Variants in CABLES2 observed in about 807,000 individuals in gnomAD.
CABLES2 encodes the protein CDK5 and ABL1 enzyme substrate 2.
CABLES2 carries 35 observed loss-of-function variants against 44.8 expected under a neutral mutation model. The ratio of observed to expected loss-of-function variants is 0.78; its 90% CI spans 0.60 to 1.04. The LOEUF (loss-of-function observed/expected upper bound fraction) is 1.04. Ranked by LOEUF, CABLES2 falls within the 50% of genes least tolerant of loss-of-function variation. The pLI, the probability that CABLES2 is intolerant of heterozygous loss-of-function variation, is 0.00. For missense variants in CABLES2, 566 were observed against 615.7 expected, an observed-to-expected ratio of 0.92 and a Z score of 0.85; for synonymous variants, 282 against 281.1, an observed-to-expected ratio of 1.00 and a Z score of -0.03.
rs1459855587 is a variant in CABLES2, at chr20:62,398,178, GTGGTGGTGA to G, written c.363-1595_363-1587del. ...GGTGACGGTGATGGTGGTAATGGTG[GTGGTGGTGA>G]TGGTGATGATGGTGGTGATGGTGAT... On this transcript the variant is annotated intron_variant, in intron 1 of 9. Coordinates refer to ENST00000279101, the MANE Select transcript of CABLES2 (RefSeq NM_031215.3). Among the ~76,000 whole-genome samples, 14 of 96,328 alleles carry G rather than the reference GTGGTGGTGA, an allele frequency of 1.5e-4. No individual in the cohort carries two copies. In the South Asian group the frequency reaches 4.1e-3, roughly 28 times the overall value. The allele number at this position is 96,328 out of a possible 152,430, so 63.2% of individuals were successfully genotyped here. A position where few individuals can be genotyped will look rare whatever the true frequency, so the allele number is the denominator to read the frequency against.
rs546600175 is a variant in CABLES2 at position 62,393,097 on chromosome 20, A to G, written c.881-74T>C. The G allele has an allele frequency of 1.7e-5, 23 of 1,377,514 alleles. 1 individual carries two copies. The South Asian group carries it at 2.4e-4, about 14-fold the overall frequency. The allele number at this position is 1,377,514 out of a possible 1,614,324, so 85.3% of individuals were successfully genotyped here. A position where few individuals can be genotyped will look rare whatever the true frequency, so the allele number is the denominator to read the frequency against. Reference sequence around the variant, plus strand: ...ATCTAGCCCCAAGGCCTGGCAGGCCAGCGCCATGGCGGGGCAAGGCCGAGC... The same window carrying G: ...ATCTAGCCCCAAGGCCTGGCAGGCCGGCGCCATGGCGGGGCAAGGCCGAGC... On this transcript the variant is annotated intron_variant, in intron 6 of 9. Coordinates refer to ENST00000279101, the MANE Select transcript of CABLES2 (RefSeq NM_031215.3).
intron 1 of CABLES2, among the ~76,000 whole-genome samples, chr20:62,397,231 G>A (rs1041718050): frequency 3.3e-5 from 5 of 152,152 alleles, no homozygotes; most frequent in African/African-American, 1.2e-4. Context: ...GCTGAGGGAG[G>A]CTGCCCGGAT....
At chr20:62,398,187 A>ACGGTGATGGTGGTGGTGATGATGG (rs759461396) in intron 1 of CABLES2, among the ~76,000 whole-genome samples, 2 of 92,660 alleles carry the variant, frequency 2.2e-5, no homozygotes, top group African/African-American at 1.0e-4. Flanking sequence ...GGTGGTGGTG[A>ACGGTGATGGTGGTGGTGATGATGG]TGGTGATGAT....
intron 1 of CABLES2, among the ~76,000 whole-genome samples, chr20:62,406,296 C>T (rs187993245): frequency 4.9e-4 from 74 of 152,072 alleles, no homozygotes; most frequent in Non-Finnish European, 7.1e-4. Flanking sequence ...TGGGCATGGA[C>T]GGTGTGGCCC....
At position 62,390,996 on chromosome 20, in the gene CABLES2, T is replaced by C. The variant is rs1488155304; in HGVS notation, c.1412A>G (p.Tyr471Cys). ...YLPENQVLPH[Y>C]RRLTQQF Reference sequence around the variant, plus strand: ...CTAGAACTGCTGGGTGAGGCGCCTGTAATGAGGTAACACTTGGTTCTCGGG... The same window carrying C: ...CTAGAACTGCTGGGTGAGGCGCCTGCAATGAGGTAACACTTGGTTCTCGGG... Residue 471 changes from tyrosine to cysteine, a missense_variant, in exon 10 of 10, where the codon TAC becomes TGC. Physicochemically the swap from Tyr to Cys is radical, Grantham distance 194. Coordinates refer to ENST00000279101, the MANE Select transcript of CABLES2 (RefSeq NM_031215.3). The C allele has an allele frequency of 1.2e-6, 2 of 1,614,070 alleles. No individual in the cohort carries two copies. Among genetic ancestry groups the C allele is most frequent in the South Asian group, 2.2e-5 (2 of 91,080 alleles).
chr20:62,395,028 G>C lies in CABLES2; in HGVS notation c.528-14C>G. ...ATGAGCACGATCCTGCAGGGGGACG[G>C]AGTCAGGGGAGACGGGGCCGGGGAG... On this transcript the variant is annotated splice_polypyrimidine_tract_variant and intron_variant, in intron 3 of 9. Transcript: ENST00000279101. 2 of 1,610,276 alleles carry C rather than the reference G, an allele frequency of 1.2e-6. No homozygotes were observed. Among genetic ancestry groups the C allele is most frequent in the Non-Finnish European group, 1.7e-6 (2 of 1,177,698 alleles).
chr20:62,398,219 G>GA (rs1569017914), intron 1 of CABLES2, among the ~76,000 whole-genome samples: 6 of 140,784 alleles, frequency 4.3e-5, no homozygotes, highest in Non-Finnish European at 6.1e-5. Context: ...TGATGTGATG[G>GA]TGGTGGTGGT....
At chr20:62,398,123 GGTT>G (rs1281162215) in intron 1 of CABLES2, among the ~76,000 whole-genome samples, 16 of 138,026 alleles carry the variant, frequency 1.2e-4, no homozygotes, top group African/African-American at 3.1e-4. Flanking sequence ...TGGTGGTGGT[GGTT>G]ATGACGGTGG....
intron 1 of CABLES2, among the ~76,000 whole-genome samples, chr20:62,398,376 T>G (rs62196294): frequency 0.44 from 65,091 of 149,252 alleles, 15,734 homozygotes; most frequent in African/African-American, 0.64. Context: ...GTGGTGGTAA[T>G]GGTGATGGGG....
chr20:62,398,331 C>CGGTGGT (rs1569018082), intron 1 of CABLES2, among the ~76,000 whole-genome samples: 2 of 126,108 alleles, frequency 1.6e-5, no homozygotes, highest in Non-Finnish European at 3.4e-5. Context: ...GTGGTGGTGA[C>CGGTGGT]GATGGTGGTG....
rs1365457922 is a variant in CABLES2 at position 62,392,459 on chromosome 20, T to G, written c.1021A>C (p.Lys341Gln). The part of the protein sequence containing the change: ...VIEYVKPSDL[K>Q]KDMNETFREK... ...CTGAAGGTCTCGTTCATGTCCTTTT[T>G]GAGGTCTGAGGGCTTCACGTATTCT... Residue 341 changes from lysine to glutamine, a missense_variant, in exon 8 of 10, where the codon AAA (lysine) becomes CAA (glutamine). Around this residue, in one of 2 missense-constraint regions of CABLES2, gnomAD observed 436 missense variants for 536.3 expected, o/e 0.81. Transcript: ENST00000279101. The G allele has an allele frequency of 6.2e-7, 1 of 1,614,106 alleles. No homozygotes were observed. The highest frequency in any genetic ancestry group is 1.7e-5 in the Admixed American group (1 of 60,010).
At chr20:62,399,300 G>A (rs11907913) in intron 1 of CABLES2, among the ~76,000 whole-genome samples, 3 of 150,874 alleles carry the variant, frequency 2.0e-5, no homozygotes, top group African/African-American at 7.3e-5. Flanking sequence ...GGCTGGAGTG[G>A]AGGGGGCGCC....
intron 1 of CABLES2, among the ~76,000 whole-genome samples, chr20:62,398,765 G>A (rs1161525599): frequency 6.6e-6 from 1 of 152,258 alleles, no homozygotes; most frequent in African/African-American, 2.4e-5. Flanking sequence ...GTCCCATGGT[G>A]GGTGCCACCT....
At chr20:62,406,258 C>T (rs1381763502) in intron 1 of CABLES2, among the ~76,000 whole-genome samples, 1 of 151,912 alleles carries the variant, frequency 6.6e-6, no homozygotes, top group East Asian at 1.9e-4. Flanking sequence ...CCAGGAGGAC[C>T]CCGGCCCACA....
At chr20:62,397,673 C>A (rs1601474994) in intron 1 of CABLES2, among the ~76,000 whole-genome samples, 1 of 152,342 alleles carries the variant, frequency 6.6e-6, no homozygotes, top group Non-Finnish European at 1.5e-5. Context: ...TTGTTCTCTC[C>A]CTTATACCGG....
chr20:62,406,840 T>C, intron 1 of CABLES2, 75 bp downstream of exon 1: 1 of 865,352 alleles, frequency 1.2e-6, no homozygotes, highest in Non-Finnish European at 1.5e-6. Context: ...TGACCCCTAG[T>C]CCTGGGCTGA....
intron 4 of CABLES2, 45 bp from the exon 5 acceptor site, chr20:62,394,310 C>G: frequency 1.3e-6 from 2 of 1,504,538 alleles, no homozygotes; most frequent in Non-Finnish European, 1.8e-6. Context: ...GCGCTGAACT[C>G]AGGCTCTGGC....
At chr20:62,394,069 G>C (rs1987970334) in intron 5 of CABLES2, 88 bp downstream of exon 5, 2 of 985,014 alleles carry the variant, frequency 2.0e-6, no homozygotes, top group Non-Finnish European at 3.3e-6. Context: ...AGCTTCACGT[G>C]TGCCTCGTGG....
At chr20:62,404,947 G>C (rs1220535495) in intron 1 of CABLES2, 1 of 152,324 alleles carries the variant, frequency 6.6e-6, no homozygotes, top group Non-Finnish European at 1.5e-5. Flanking sequence ...GCTGCGCTCA[G>C]AACTGTCACC....
Sources: allele counts gnomAD v4.1 joint callset (sites outside exome capture counted in the v4.1 genomes callset), GRCh38; gene constraint gnomAD v4.1.1; regional missense constraint gnomAD v4.1.1; transcripts MANE v1.5; gene names NCBI Gene and HGNC (gene_info 2026-07-23, HGNC 2026-07-21).